The following MBOAT1 variants were observed in gnomAD, a reference collection of about 807,000 sequenced individuals.
MBOAT1 encodes membrane-bound glycerophospholipid O-acyltransferase 1.
MBOAT1 carries 67 observed loss-of-function variants against 64.4 expected under a neutral mutation model. The ratio of observed to expected loss-of-function variants is 1.04; its 90% CI spans 0.85 to 1.27. The LOEUF (loss-of-function observed/expected upper bound fraction) is 1.27, where lower values mean the gene tolerates loss of function less well. Ranked by LOEUF, MBOAT1 falls within the 50% of genes most tolerant of loss-of-function variation. The probability of loss-of-function intolerance (pLI) is 0.00; values close to 1 mark genes in which losing one functional copy is unlikely to be tolerated. For missense variants in MBOAT1, 563 were observed against 604.6 expected (o/e 0.93, Z 0.72); for synonymous variants, 229 against 218.9 (o/e 1.05, Z -0.41).
chr6:20,118,959 G>T (rs1760414323), intron 8 of MBOAT1, among the ~76,000 whole-genome samples: 1 of 152,212 alleles, frequency 6.6e-6, no homozygotes, highest in Non-Finnish European at 1.5e-5. Context: ...AAGGGACCCA[G>T]AAGAGGTCTC....
At chr6:20,211,797 A>G (rs1016696196) in intron 1 of MBOAT1, among the ~76,000 whole-genome samples, 2 of 152,174 alleles carry the variant, frequency 1.3e-5, no homozygotes, top group Non-Finnish European at 2.9e-5. Context: ...GAGGACACTG[A>G]TGAAAGAAAC....
At chr6:20,181,644 C>T (rs1480216999) in intron 1 of MBOAT1, among the ~76,000 whole-genome samples, 1 of 152,190 alleles carries the variant, frequency 6.6e-6, no homozygotes, top group African/African-American at 2.4e-5. Context: ...GTAAAACAAG[C>T]ACAGCAGACC....
At chr6:20,148,054 A>G (rs921617902) in intron 3 of MBOAT1, among the ~76,000 whole-genome samples, 3 of 152,224 alleles carry the variant, frequency 2.0e-5, no homozygotes, top group Non-Finnish European at 4.4e-5. Flanking sequence ...TGCCCAACAC[A>G]GTGGCTTGGG....
chr6:20,109,988 C>T (rs1003768871), intron 11 of MBOAT1, among the ~76,000 whole-genome samples: 5 of 145,598 alleles, frequency 3.4e-5, no homozygotes, highest in Non-Finnish European at 7.4e-5. Flanking sequence ...CAGCTCACTG[C>T]AAGCTCTGCC....
At chr6:20,151,509 G>A (rs371618694) in intron 2 of MBOAT1, among the ~76,000 whole-genome samples, 135 of 152,276 alleles carry the variant, frequency 8.9e-4, no homozygotes, top group African/African-American at 3.1e-3. Context: ...TAAATGGAAC[G>A]CTTACACTTT....
chr6:20,190,289 G>C (rs879386069), intron 1 of MBOAT1, among the ~76,000 whole-genome samples: 1 of 152,046 alleles, frequency 6.6e-6, no homozygotes, highest in South Asian at 2.1e-4. Flanking sequence ...CACTGTACCT[G>C]GCCGCTCTAA....
At position 20,212,298 on chromosome 6, in the gene MBOAT1, C is replaced by A; in HGVS notation, c.-64G>T. The A allele has an allele frequency of 6.7e-7, 1 of 1,484,408 alleles. No homozygotes were observed. The highest frequency in any genetic ancestry group is 1.2e-5 in the South Asian group (1 of 83,996). The allele number at this position is 1,484,408 out of a possible 1,614,324, so 92.0% of individuals were successfully genotyped here. ...GCAACACCCCCTGCTCGGCGTCCTC[C>A]CGCCCGGGTGCTCTTGGGTGGTTGC... On this transcript the variant is annotated 5_prime_UTR_variant, in exon 1 of 13. Transcript: ENST00000324607.
At chr6:20,109,827 G>T in intron 11 of MBOAT1, 78 bp from the exon 12 acceptor site, 2 of 1,353,434 alleles carry the variant, frequency 1.5e-6, no homozygotes, top group Non-Finnish European at 2.0e-6. Context: ...CATGCAGATA[G>T]TATGCCACAG....
rs182106213 is a variant in MBOAT1, at chr6:20,179,438, G to A, written c.100-26669C>T. On this transcript the variant is annotated intron_variant, in intron 1 of 12. Coordinates refer to ENST00000324607, the MANE Select transcript of MBOAT1 (RefSeq NM_001080480.3). ...TTTTCTGTTCCTGCATTAGTTTGCC[G>A]AGGATAATGGTTTGTAGCTCCATCC... Among the ~76,000 whole-genome samples, 570 of 152,256 alleles carry A rather than the reference G, an allele frequency of 3.7e-3. 5 individuals are homozygous for A. Among genetic ancestry groups the A allele is most frequent in the African/African-American group, 0.01 (430 of 41,536 alleles).
chr6:20,136,564 G>GT (rs1761000009), intron 4 of MBOAT1, among the ~76,000 whole-genome samples: 1 of 152,162 alleles, frequency 6.6e-6, no homozygotes, highest in Non-Finnish European at 1.5e-5. Flanking sequence ...GTCAGATGGA[G>GT]TGACCAGGAT....
At chr6:20,202,138 T>A (rs1763139773) in intron 1 of MBOAT1, among the ~76,000 whole-genome samples, 1 of 152,202 alleles carries the variant, frequency 6.6e-6, no homozygotes, top group Admixed American at 6.5e-5. Flanking sequence ...AGCAACCTTT[T>A]GCTGTGTACC....
intron 1 of MBOAT1, among the ~76,000 whole-genome samples, chr6:20,169,619 G>A (rs1465683197): frequency 6.9e-6 from 1 of 145,940 alleles, no homozygotes; most frequent in Non-Finnish European, 1.5e-5. Flanking sequence ...AAAAAAAAAA[G>A]AAAAGTAAAG....
At chr6:20,195,544 A>G (rs1438321674) in intron 1 of MBOAT1, among the ~76,000 whole-genome samples, 1 of 151,992 alleles carries the variant, frequency 6.6e-6, no homozygotes, top group Non-Finnish European at 1.5e-5. Context: ...GCTTAAGTGT[A>G]CTCGTTGCTA....
chr6:20,131,817 G>A (rs60534238), intron 4 of MBOAT1, among the ~76,000 whole-genome samples: 3,340 of 152,278 alleles, frequency 0.022, 115 homozygotes, highest in African/African-American at 0.075. Flanking sequence ...ATTACTTGGT[G>A]TAGCTCCTGG....
chr6:20,196,032 G>A (rs1330485585), intron 1 of MBOAT1, among the ~76,000 whole-genome samples: 1 of 152,232 alleles, frequency 6.6e-6, no homozygotes, highest in Non-Finnish European at 1.5e-5. Context: ...TCCCCACAGA[G>A]GGAAACAGCA....
chr6:20,120,006 C>CGTGTGT (rs10630791), intron 8 of MBOAT1, among the ~76,000 whole-genome samples: 16,694 of 150,474 alleles, frequency 0.11, 1,029 homozygotes, highest in South Asian at 0.18. Flanking sequence ...TGTGTGTGTG[C>CGTGTGT]GTGTGTGTGT....
At chr6:20,152,537 T>C in intron 2 of MBOAT1, 87 bp downstream of exon 2, 3 of 1,346,550 alleles carry the variant, frequency 2.2e-6, no homozygotes, top group Non-Finnish European at 3.0e-6. Context: ...TATAATGCCA[T>C]CTATTTCTGG....
At chr6:20,104,583 C>T (rs996731049) in intron 12 of MBOAT1, among the ~76,000 whole-genome samples, 1 of 152,238 alleles carries the variant, frequency 6.6e-6, no homozygotes, top group African/African-American at 2.4e-5. Context: ...CACAACTGTT[C>T]TAGATCCATT....
At chr6:20,178,481 T>C (rs754241543) in intron 1 of MBOAT1, among the ~76,000 whole-genome samples, 15 of 152,186 alleles carry the variant, frequency 9.9e-5, no homozygotes, top group Admixed American at 2.6e-4. Flanking sequence ...AATAATCCTC[T>C]AAGCTGTCCC....
Sources: gnomAD v4.1 joint callset for allele counts (sites outside exome capture counted in the v4.1 genomes callset) on GRCh38, gnomAD v4.1.1 for gene constraint, MANE v1.5 for transcripts, NCBI Gene and HGNC (gene_info 2026-07-23, HGNC 2026-07-21) for gene names.